Variants in CDH12 observed in about 807,000 individuals in gnomAD.
CDH12 encodes cadherin-12.
Under a neutral mutation model 74.1 loss-of-function variants are expected in CDH12, and 41 were observed. The observed-to-expected ratio is 0.55, with a 90% confidence interval of 0.43 to 0.72. The LOEUF (loss-of-function observed/expected upper bound fraction) is 0.72, where lower values mean the gene tolerates loss of function less well. CDH12 is among the 30% of genes least tolerant of loss of function. CDH12 has a pLI of 0.00. For synonymous variants in CDH12, 399 were observed against 355.0 expected, an observed-to-expected ratio of 1.12 and a Z score of -1.39; for missense variants, 945 against 977.2, an observed-to-expected ratio of 0.97 and a Z score of 0.44.
At chr5:22,311,366 C>T (rs1039228208) in intron 3 of CDH12, among the ~76,000 whole-genome samples, 1 of 152,036 alleles carries the variant, frequency 6.6e-6, no homozygotes, top group African/African-American at 2.4e-5. Context: ...AGCTAAGGAA[C>T]ATAAAGATAA....
intron 6 of CDH12, among the ~76,000 whole-genome samples, chr5:21,913,171 G>A (rs10941932): frequency 0.67 from 101,275 of 152,002 alleles, 37,260 homozygotes; most frequent in East Asian, 0.93. Flanking sequence ...TTCATCTTAG[G>A]GAAGATGGAT....
At chr5:22,707,081 G>T (rs1193591648) in intron 1 of CDH12, among the ~76,000 whole-genome samples, 1 of 152,106 alleles carries the variant, frequency 6.6e-6, no homozygotes, top group Non-Finnish European at 1.5e-5. Context: ...CATTGTGGAT[G>T]CACCATTGTG....
intron 2 of CDH12, among the ~76,000 whole-genome samples, chr5:22,491,661 A>C (rs754141989): frequency 2.2e-4 from 33 of 152,032 alleles, no homozygotes; most frequent in Non-Finnish European, 2.8e-4. Context: ...ACAAAAACAT[A>C]ATGTTTTAAG....
chr5:21,880,117 A>C (rs998970254), intron 6 of CDH12, among the ~76,000 whole-genome samples: 10 of 152,212 alleles, frequency 6.6e-5, no homozygotes, highest in African/African-American at 2.4e-4. Context: ...TTATCAGCTT[A>C]CTTCTTACAG....
intron 3 of CDH12, among the ~76,000 whole-genome samples, chr5:22,229,680 ATTC>A (rs751796032): frequency 6.6e-6 from 1 of 151,848 alleles, no homozygotes; most frequent in Non-Finnish European, 1.5e-5. Context: ...TCATTTTTTG[ATTC>A]TTTAGGAACT....
At chr5:22,662,021 T>C (rs891446304) in intron 1 of CDH12, among the ~76,000 whole-genome samples, 9 of 152,178 alleles carry the variant, frequency 5.9e-5, no homozygotes, top group South Asian at 2.1e-4. Flanking sequence ...ATCCTTTGTA[T>C]AGGTTTTGAA....
chr5:22,496,981 A>G (rs377468074), intron 2 of CDH12, among the ~76,000 whole-genome samples: 1 of 152,170 alleles, frequency 6.6e-6, no homozygotes, highest in African/African-American at 2.4e-5. Flanking sequence ...CAATTCTGCC[A>G]CTTACCAGCT....
intron 5 of CDH12, among the ~76,000 whole-genome samples, chr5:21,988,222 C>T (rs1370896917): frequency 8.6e-5 from 13 of 151,932 alleles, no homozygotes; most frequent in Non-Finnish European, 1.9e-4. Context: ...CCTGGCGTTG[C>T]GGCTCATGTC....
chr5:22,612,789 C>T (rs1226680717), intron 1 of CDH12, among the ~76,000 whole-genome samples: 1 of 152,058 alleles, frequency 6.6e-6, no homozygotes, highest in Non-Finnish European at 1.5e-5. Context: ...TTCAGTGAAA[C>T]TCAGTAACAT....
chr5:22,566,241 C>CTT (rs937479137), intron 1 of CDH12, among the ~76,000 whole-genome samples: 190 of 141,984 alleles, frequency 1.3e-3, no homozygotes, highest in African/African-American at 4.7e-3. Context: ...TTTTTTCTTT[C>CTT]TTTTTTTTTT....
intron 1 of CDH12, among the ~76,000 whole-genome samples, chr5:22,691,129 TA>T (rs1407087256): frequency 6.6e-6 from 1 of 152,224 alleles, no homozygotes; most frequent in African/African-American, 2.4e-5. Flanking sequence ...TAAAGTGTTT[TA>T]AAGTCACAGT....
chr5:21,798,886 C>T (rs143748362), intron 10 of CDH12, among the ~76,000 whole-genome samples: 35 of 152,160 alleles, frequency 2.3e-4, no homozygotes, highest in African/African-American at 6.3e-4. Flanking sequence ...TGGTACCAAA[C>T]GGTGGGGGTG....
chr5:22,691,128 T>G (rs995515532), intron 1 of CDH12, among the ~76,000 whole-genome samples: 1 of 152,204 alleles, frequency 6.6e-6, no homozygotes, highest in South Asian at 2.1e-4. Context: ...ATAAAGTGTT[T>G]TAAAGTCACA....
At position 22,261,051 on chromosome 5, in the gene CDH12, A is replaced by ATGTG. The variant is rs541034254; in HGVS notation, c.-332-48412_-332-48409dup. ...ACATACTACCTAAGACTATATATATATGTGTGTGTGTGTGTGTGTGTGTAT... is the reference window on the plus strand; with the variant it reads ...ACATACTACCTAAGACTATATATATATGTGTGTGTGTGTGTGTGTGTGTGTGTAT... On this transcript the variant is annotated intron_variant, in intron 3 of 14. Coordinates refer to ENST00000382254, the MANE Select transcript of CDH12 (RefSeq NM_004061.5). Among the ~76,000 whole-genome samples, 15 of 141,926 alleles carry ATGTG rather than the reference A, an allele frequency of 1.1e-4. No individual in the cohort carries two copies. In the South Asian group the frequency reaches 1.8e-3, roughly 17 times the overall value. The allele number at this position is 141,926 out of a possible 152,430, so 93.1% of individuals were successfully genotyped here.
intron 1 of CDH12, among the ~76,000 whole-genome samples, chr5:22,821,223 T>G (rs569429538): frequency 2.5e-4 from 38 of 152,290 alleles, no homozygotes; most frequent in African/African-American, 8.4e-4. Flanking sequence ...TAGGTATTGA[T>G]GGGATGTATC....
At position 22,618,973 on chromosome 5, in the gene CDH12, A is replaced by G. The variant is rs139360084; in HGVS notation, c.-522-113609T>C. ...CTTCATCTTCCTCCATCATTGTGAG[A>G]CCTCCCCAGCCATGTGGAACTGTGA... On this transcript the variant is annotated intron_variant, in intron 1 of 14. Transcript: ENST00000382254. Among the ~76,000 whole-genome samples, 547 of 151,494 alleles carry G rather than the reference A, an allele frequency of 3.6e-3. 1 individual carries two copies. Among genetic ancestry groups the G allele is most frequent in the African/African-American group, 0.01 (423 of 41,284 alleles).
At chr5:22,849,166 AC>A (rs1414917567) in intron 1 of CDH12, among the ~76,000 whole-genome samples, 1 of 152,134 alleles carries the variant, frequency 6.6e-6, no homozygotes, top group Non-Finnish European at 1.5e-5. Context: ...GAAAGACCTG[AC>A]CATGATAAGT....
chr5:21,975,293 T>C lies in CDH12; in HGVS notation c.324A>G (p.Thr108=), dbSNP rs1225208407. 9 of 1,597,036 alleles carry C rather than the reference T, an allele frequency of 5.6e-6. No individual in the cohort carries two copies. The highest frequency in any genetic ancestry group is 4.5e-4 in the Middle Eastern group (2 of 4,424). The change falls in exon 6 of 15, where the codon ACA becomes ACG. Residue 108 remains threonine, a synonymous_variant. Coordinates refer to ENST00000382254, the MANE Select transcript of CDH12 (RefSeq NM_004061.5). ...AGTVFTIDET[T]GDIHAIRSLD... is the part of the protein sequence containing the mutation. ...GGCTCCTTATTGCATGAATGTCCCC[T>C]GTGGTTTCATCAATGGTAAAAACGG...
At chr5:22,166,851 T>C (rs1474008356) in intron 4 of CDH12, among the ~76,000 whole-genome samples, 3 of 152,172 alleles carry the variant, frequency 2.0e-5, no homozygotes, top group Non-Finnish European at 4.4e-5. Flanking sequence ...ATATATCTTA[T>C]ATTATTTTAA....
Sources: allele counts gnomAD v4.1 joint callset (sites outside exome capture counted in the v4.1 genomes callset), GRCh38; gene constraint gnomAD v4.1.1; transcripts MANE v1.5; gene names NCBI Gene and HGNC (gene_info 2026-07-23, HGNC 2026-07-21).